The following CCDC141 variants were observed in gnomAD, a reference collection of about 807,000 sequenced individuals.
CCDC141 encodes the protein coiled-coil domain-containing protein 141.
In CCDC141, 168 loss-of-function variants were observed where a neutral mutation model predicts 181.0. That is an observed-to-expected ratio of 0.93 (90% confidence interval 0.82 to 1.05). CCDC141 has a LOEUF of 1.05. Among genes scored for constraint, CCDC141 ranks in the 50% least tolerant of loss-of-function variants. The probability of loss-of-function intolerance (pLI) is 0.00; values close to 1 mark genes in which losing one functional copy is unlikely to be tolerated. For synonymous variants in CCDC141, 666 were observed against 642.3 expected (o/e 1.04, Z -0.56); for missense variants, 1,902 against 1,788.5 (o/e 1.06, Z -1.14).
chr2:178,907,869 C>T (rs992115893), intron 7 of CCDC141, among the ~76,000 whole-genome samples: 5 of 151,884 alleles, frequency 3.3e-5, no homozygotes, highest in Non-Finnish European at 5.9e-5. Flanking sequence ...TGTGGTAGCA[C>T]GTGCTTGTAA....
intron 2 of CCDC141, 125 bp from the exon 3 acceptor site, chr2:178,978,800 A>C: frequency 1.4e-6 from 1 of 703,878 alleles, no homozygotes; most frequent in Non-Finnish European, 2.2e-6. Flanking sequence ...ATAAACACAA[A>C]CTGTTATGCA....
intron 4 of CCDC141, among the ~76,000 whole-genome samples, chr2:178,973,933 C>CTGTTGCTTTAAAGCA (rs1325472693): frequency 6.6e-6 from 1 of 152,156 alleles, no homozygotes; most frequent in African/African-American, 2.4e-5. Context: ...TAATGGGCAA[C>CTGTTGCTTTAAAGCA]TGTTGCTTTA....
Position 178,834,126 on chromosome 2 carries a change from T to C in CCDC141, c.*47A>G, listed in dbSNP as rs984202147. On this transcript the variant is annotated 3_prime_UTR_variant, in exon 24 of 24. Transcript: ENST00000443758. ...GTGCAGGAAGATAAACGGCGGCACTTTTCTTTAGGCACATGAGAATGATGT... is the reference window on the plus strand; with the variant it reads ...GTGCAGGAAGATAAACGGCGGCACTCTTCTTTAGGCACATGAGAATGATGT... The C allele has an allele frequency of 1.6e-5, 24 of 1,520,198 alleles. No homozygotes were observed. Among genetic ancestry groups the C allele is most frequent in the Admixed American group, 7.9e-5 (4 of 50,588 alleles). The allele number at this position is 1,520,198 out of a possible 1,614,324, so 94.2% of individuals were successfully genotyped here.
intron 23 of CCDC141, among the ~76,000 whole-genome samples, chr2:178,834,835 C>T (rs569391156): frequency 2.6e-5 from 4 of 151,680 alleles, no homozygotes; most frequent in African/African-American, 7.2e-5. Context: ...CTGCCTCAGC[C>T]TCCTGAGTAG....
intron 5 of CCDC141, among the ~76,000 whole-genome samples, chr2:178,953,820 T>A (rs537037701): frequency 1.3e-5 from 2 of 152,352 alleles, no homozygotes; most frequent in East Asian, 3.9e-4. Context: ...GGTGGCATCA[T>A]GTATAAGAGA....
At chr2:178,992,316 T>C (rs1029650247) in intron 2 of CCDC141, among the ~76,000 whole-genome samples, 1 of 151,122 alleles carries the variant, frequency 6.6e-6, no homozygotes, top group African/African-American at 2.4e-5. Flanking sequence ...AATTTTTATA[T>C]TTTTGCAATT....
chr2:178,906,383 G>T (rs772260247), intron 7 of CCDC141, among the ~76,000 whole-genome samples: 1 of 152,126 alleles, frequency 6.6e-6, no homozygotes, highest in African/African-American at 2.4e-5. Flanking sequence ...GAGGAGAAAG[G>T]GAGAAAGCAG....
intron 13 of CCDC141, 150 bp from the exon 14 acceptor site, chr2:178,871,702 C>A: frequency 1.1e-6 from 1 of 899,894 alleles, no homozygotes; most frequent in Non-Finnish European, 1.7e-6. Flanking sequence ...TCTAAACCAC[C>A]AAGAAGTAAG....
chr2:178,888,223 C>A (rs892649031), intron 9 of CCDC141, among the ~76,000 whole-genome samples: 2 of 152,156 alleles, frequency 1.3e-5, no homozygotes, highest in Admixed American at 6.6e-5. Flanking sequence ...CAGAACCATG[C>A]AAATGAAAGA....
At chr2:178,932,797 A>G (rs1160346878) in intron 6 of CCDC141, among the ~76,000 whole-genome samples, 5 of 152,230 alleles carry the variant, frequency 3.3e-5, no homozygotes, top group Non-Finnish European at 7.3e-5. Context: ...AAATAAAACA[A>G]TAAACATATT....
chr2:178,837,699 C>CCCCT lies in CCDC141; in HGVS notation c.3516_3519dup (p.Glu1174ArgfsTer14). 1 of 1,613,734 alleles carries CCCCT rather than the reference C, an allele frequency of 6.2e-7. No homozygotes were observed. Among genetic ancestry groups the CCCCT allele is most frequent in the Non-Finnish European group, 8.5e-7 (1 of 1,179,764 alleles). ...TTCAGGTCTTGTGGTAGTCGCTCTT[C>CCCCT]CCCTGTTCCATTGATGCCCAAAAGA... On this transcript the variant is annotated frameshift_variant, in exon 23 of 24. Transcript: ENST00000443758. LOFTEE classifies it high-confidence loss of function.
At chr2:178,888,453 A>G in intron 9 of CCDC141, 74 bp downstream of exon 9, 1 of 1,392,398 alleles carries the variant, frequency 7.2e-7, no homozygotes, top group East Asian at 2.5e-5. Context: ...TCCTCCCGCC[A>G]TGCCCACATA....
intron 8 of CCDC141, among the ~76,000 whole-genome samples, chr2:178,890,891 TTTG>T (rs143911349): frequency 0.056 from 8,559 of 152,238 alleles, 387 homozygotes; most frequent in Admixed American, 0.15. Flanking sequence ...GACATGCCAC[TTTG>T]TTAAGTGCAT....
chr2:178,820,595 T>G, the CCDC141 span, among the ~76,000 whole-genome samples: 1 of 152,196 alleles, frequency 6.6e-6, no homozygotes, highest in Non-Finnish European at 1.5e-5. Context: ...TTACTTTACA[T>G]GCAATAAAGT....
At chr2:178,963,654 A>G (rs1350894191) in intron 4 of CCDC141, among the ~76,000 whole-genome samples, 1 of 151,706 alleles carries the variant, frequency 6.6e-6, no homozygotes, top group Non-Finnish European at 1.5e-5. Flanking sequence ...TTCTCTTTCA[A>G]TTGACACTTT....
Position 178,944,648 on chromosome 2 carries a change from T to A in CCDC141, c.784A>T (p.Thr262Ser). The stretch of plus-strand genomic sequence containing the variant: ...CTTATAGTTTTCTGAAACCAACAAG[T>A]AACCTAGGTAAAAGGCAACAAAGAA... Reference protein sequence around the residue: ...CQWDQQENQVTCWFQKTIRNL... With the variant: ...CQWDQQENQVSCWFQKTIRNL... The change falls in exon 6 of 24, where the codon ACT becomes TCT. Residue 262 changes from threonine (T) to serine (S), a missense_variant. Coordinates refer to ENST00000443758, the MANE Select transcript of CCDC141 (RefSeq NM_173648.4). 7.0e-7 allele frequency: 1 copy of A among 1,432,374 alleles called. No homozygotes were observed. The highest frequency in any genetic ancestry group is 9.5e-7 in the Non-Finnish European group (1 of 1,055,774). 88.7% of individuals were successfully genotyped at this position (1,432,374 alleles called of 1,614,324 possible). A position where few individuals can be genotyped will look rare whatever the true frequency, so the allele number is the denominator to read the frequency against.
chr2:179,004,734 T>A (rs964658159), intron 2 of CCDC141, among the ~76,000 whole-genome samples: 1 of 151,476 alleles, frequency 6.6e-6, no homozygotes, highest in Non-Finnish European at 1.5e-5. Flanking sequence ...AAGACTAAAT[T>A]TTTTTTTTGT....
intron 5 of CCDC141, among the ~76,000 whole-genome samples, chr2:178,956,830 A>G (rs1315915364): frequency 2.6e-5 from 4 of 152,164 alleles, no homozygotes; most frequent in Non-Finnish European, 4.4e-5. Flanking sequence ...CTTGACATGT[A>G]TAACAACAGT....
chr2:178,974,558 T>C (rs1473131217), intron 4 of CCDC141, among the ~76,000 whole-genome samples: 1 of 152,194 alleles, frequency 6.6e-6, no homozygotes, highest in Non-Finnish European at 1.5e-5. Flanking sequence ...TGTAGAGTGT[T>C]TTATTAGATT....
Sources: gnomAD v4.1 joint callset for allele counts (sites outside exome capture counted in the v4.1 genomes callset) on GRCh38, gnomAD v4.1.1 for gene constraint, MANE v1.5 for transcripts, NCBI Gene and HGNC (gene_info 2026-07-23, HGNC 2026-07-21) for gene names.